TTF2: variants seen among roughly 807,000 people sequenced by gnomAD.
TTF2 encodes RNA polymerase II termination factor.
A neutral mutation model predicts 142.4 loss-of-function variants in TTF2; 108 were observed. That is an observed-to-expected ratio of 0.76 (90% CI 0.65 to 0.89). The LOEUF (loss-of-function observed/expected upper bound fraction) is 0.89. Among genes scored for constraint, TTF2 ranks in the 40% least tolerant of loss-of-function variants. The pLI, the probability that TTF2 is intolerant of heterozygous loss-of-function variation, is 0.00. For missense variants in TTF2, 1,327 were observed against 1,379.8 expected, an observed-to-expected ratio of 0.96 and a Z score of 0.61; for synonymous variants, 483 against 506.2, an observed-to-expected ratio of 0.95 and a Z score of 0.61.
chr1:117,091,820 C>T lies in TTF2; in HGVS notation c.2675C>T (p.Ala892Val). Residue 892 changes from alanine to valine, a missense_variant, in exon 17 of 23, where the codon GCA becomes GTA. Ala to Val is a moderately conservative substitution (Grantham distance 64). Transcript: ENST00000369466. ...RSPNNPFSRV[A>V]LEFGSEEPRH... is the part of the protein sequence containing the mutation. ...GGCTTGTCTTCCCTCTTGGAAGTGG[C>T]ACTGGAGTTTGGGTCTGAGGAGCCT... 3 of 1,612,952 alleles carry T rather than the reference C, an allele frequency of 1.9e-6. No homozygotes were observed. The South Asian group carries it at 3.3e-5, about 18-fold the overall frequency.
rs535140947 is a variant in TTF2, at chr1:117,093,590, A to G, written c.2976+689A>G. Among the ~76,000 whole-genome samples the G allele has an allele frequency of 2.0e-5, 3 of 152,146 alleles. No homozygotes were observed. Among genetic ancestry groups the G allele is most frequent in the Non-Finnish European group, 4.4e-5 (3 of 68,022 alleles). On this transcript the variant is annotated intron_variant, in intron 18 of 22. Coordinates refer to ENST00000369466, the MANE Select transcript of TTF2 (RefSeq NM_003594.4). The surrounding 1 kb of genome is among the most constrained non-coding windows in gnomAD (Gnocchi z 4.5). ...TGAAAAAGTGTATTAATAACTAGAA[A>G]GGTCACTTCCAGGGGAATGGCATTA...
Position 117,086,413 on chromosome 1 carries a change from G to T in TTF2, c.2055-4G>T, listed in dbSNP as rs371371874. ...TTATTGATTTCTTTGTTATGTCTAC[G>T]CAGCCTCTCTACATATGACATCGTG... On this transcript the variant is annotated splice_polypyrimidine_tract_variant and splice_region_variant and intron_variant, in intron 11 of 22. Coordinates refer to ENST00000369466, the MANE Select transcript of TTF2 (RefSeq NM_003594.4). This position sits in a 1 kb window ranked among gnomAD's most constrained non-coding sequence, Gnocchi z 4.2. 5.0e-6 allele frequency: 8 copies of T among 1,606,882 alleles called. No homozygotes were observed. The highest frequency in any genetic ancestry group is 6.8e-6 in the Non-Finnish European group (8 of 1,173,844).
intron 3 of TTF2, among the ~76,000 whole-genome samples, chr1:117,062,932 G>C (rs1655804230): frequency 6.6e-6 from 1 of 152,200 alleles, no homozygotes; most frequent in Non-Finnish European, 1.5e-5. Context: ...CAAAGATAAA[G>C]TAGGAATTCC....
rs1011970286 is a variant in TTF2, at chr1:117,097,353, A to G, written c.3189A>G (p.Val1063=). The G allele has an allele frequency of 6.2e-7, 1 of 1,613,972 alleles. No homozygotes were observed. Among genetic ancestry groups the G allele is most frequent in the African/African-American group, 1.3e-5 (1 of 74,926 alleles). ...EAFNHSRGPQ[V]MLISLLAGGV... ...TAATGTTGTGTTTCCTTTTGAAGGT[A>G]ATGCTAATCTCTCTCTTGGCCGGAG... The change falls in exon 21 of 23, where the codon GTA becomes GTG. Residue 1063 remains valine (V), a splice_region_variant and synonymous_variant. Transcript: ENST00000369466. This position sits in a 1 kb window ranked among gnomAD's most constrained non-coding sequence, Gnocchi z 4.1.
rs1366193743 is a variant in TTF2, at chr1:117,070,481, T to C, written c.219-3180T>C. Among the ~76,000 whole-genome samples the C allele has an allele frequency of 6.6e-6, 1 of 152,200 alleles. No individual in the cohort carries two copies. The highest frequency in any genetic ancestry group is 2.4e-5 in the African/African-American group (1 of 41,452). ...CAGTATTATCTCATGGGACCACAGT[T>C]GTATGTGCCATCCACTGTTGACTGA... is the stretch of plus-strand genomic sequence containing the variant. On this transcript the variant is annotated intron_variant, in intron 3 of 22. Coordinates refer to ENST00000369466, the MANE Select transcript of TTF2 (RefSeq NM_003594.4). This position sits in a 1 kb window ranked among gnomAD's most constrained non-coding sequence, Gnocchi z 4.2.
chr1:117,072,877 G>A (rs1656708606), intron 3 of TTF2, among the ~76,000 whole-genome samples: 1 of 152,206 alleles, frequency 6.6e-6, no homozygotes, highest in South Asian at 2.1e-4. Context: ...AGGCCCCTGA[G>A]TAGAGGGGAC....
At chr1:117,074,210 C>T (rs1183634679) in intron 4 of TTF2, among the ~76,000 whole-genome samples, 1 of 152,138 alleles carries the variant, frequency 6.6e-6, no homozygotes. Flanking sequence ...CTTGAACTTA[C>T]GATTCTAGAT....
In TTF2 at chr1:117,104,165, C is replaced by T. The variant is rs1649790368; in HGVS notation, c.*2641C>T. 6.6e-6 allele frequency: 1 copy of T among 152,160 alleles called. No homozygotes were observed. Among genetic ancestry groups the T allele is most frequent in the African/African-American group, 2.4e-5 (1 of 41,424 alleles). 9.4% of individuals were successfully genotyped at this position (152,160 alleles called of 1,614,324 possible). On this transcript the variant is annotated 3_prime_UTR_variant, in exon 23 of 23. Coordinates refer to ENST00000369466, the MANE Select transcript of TTF2 (RefSeq NM_003594.4). ...TTGAGTCACCTGAGAAGCAGTGGCT[C>T]CCAGGCCAGCAAGAATGTACAAACC...
intron 2 of TTF2, among the ~76,000 whole-genome samples, chr1:117,060,816 C>G (rs1655615075): frequency 6.6e-6 from 1 of 152,192 alleles, no homozygotes; most frequent in Non-Finnish European, 1.5e-5. Context: ...AATTGAGGAT[C>G]CGGTGTTTTC....
chr1:117,083,948 A>G, intron 10 of TTF2, 70 bp from the exon 11 acceptor site: 3 of 1,570,296 alleles, frequency 1.9e-6, no homozygotes, highest in Non-Finnish European at 2.6e-6. Context: ...GTGTCTCCAT[A>G]TATTAAAAAA....
At chr1:117,062,237 C>T (rs1655739634) in intron 2 of TTF2, 150 bp from the exon 3 acceptor site, 5 of 647,776 alleles carry the variant, frequency 7.7e-6, no homozygotes, top group Non-Finnish European at 1.3e-5. Flanking sequence ...CAAAGGAATG[C>T]CCATAGCTGT....
intron 2 of TTF2, among the ~76,000 whole-genome samples, chr1:117,060,887 T>C (rs1203837843): frequency 6.6e-6 from 1 of 152,090 alleles, no homozygotes; most frequent in African/African-American, 2.4e-5. Flanking sequence ...GCCCAGACAG[T>C]CCCTCCCCCT....
rs3767764 is a variant in TTF2, at chr1:117,087,839, C to T, written c.2161-962C>T. 2.1e-3 allele frequency among the ~76,000 whole-genome samples: 323 copies of T among 152,316 alleles called. 10 individuals carry two copies. In the East Asian group the frequency reaches 0.056, roughly 27 times the overall value. ...GGACCACTCCCTTCCCACCTTCCCC[C>T]GGTTTGGTTGAATGCCTCTGCCAGC... On this transcript the variant is annotated intron_variant, in intron 12 of 22. Transcript: ENST00000369466. The surrounding 1 kb of genome is among the most constrained non-coding windows in gnomAD (Gnocchi z 4.8).
chr1:117,101,534 G>A lies in TTF2; in HGVS notation c.*10G>A, dbSNP rs1166179240. 6.3e-7 allele frequency: 1 copy of A among 1,580,472 alleles called. No homozygotes were observed. The highest frequency in any genetic ancestry group is 1.4e-5 in the African/African-American group (1 of 72,922). On this transcript the variant is annotated 3_prime_UTR_variant, in exon 23 of 23. Coordinates refer to ENST00000369466, the MANE Select transcript of TTF2 (RefSeq NM_003594.4). The surrounding 1 kb of genome is among the most constrained non-coding windows in gnomAD (Gnocchi z 5.9). ...CCTTTTTGGCATCTAACCTCCTGTG[G>A]ATAAGGGCTCAGAATAGCACCATTG...
At chr1:117,064,873 A>G (rs991558862) in intron 3 of TTF2, among the ~76,000 whole-genome samples, 2 of 139,010 alleles carry the variant, frequency 1.4e-5, no homozygotes, top group African/African-American at 5.4e-5. Flanking sequence ...ATATAGGTCT[A>G]TTATCTATAT....
rs374580433 is a variant in TTF2 at position 117,084,008 on chromosome 1, C to T, written c.1904-10C>T. On this transcript the variant is annotated splice_polypyrimidine_tract_variant and intron_variant, in intron 10 of 22. Transcript: ENST00000369466. ...ATGTAACTAGGCACTGATTTTTTTC[C>T]CTTCTCAAGACTCTTGTGACTTTAC... 4.8e-5 allele frequency: 78 copies of T among 1,609,120 alleles called. 1 individual carries two copies. The highest frequency in any genetic ancestry group is 6.4e-5 in the Non-Finnish European group (75 of 1,178,374).
chr1:117,064,801 G>C (rs1334012285), intron 3 of TTF2, among the ~76,000 whole-genome samples: 2 of 150,394 alleles, frequency 1.3e-5, no homozygotes, highest in Admixed American at 6.6e-5. Flanking sequence ...TTACAGGTGT[G>C]AGCTACTGCA....
Position 117,098,865 on chromosome 1 carries a change from G to C in TTF2, c.3302G>C (p.Arg1101Pro). 1 of 1,612,242 alleles carries C rather than the reference G, an allele frequency of 6.2e-7. No individual in the cohort carries two copies. The highest frequency in any genetic ancestry group is 1.1e-5 in the South Asian group (1 of 90,800). The change falls in exon 22 of 23, where the codon CGA (arginine) becomes CCA (proline). Residue 1101 changes from arginine (R) to proline (P), a missense_variant. By Grantham distance (103) the Arg-to-Pro change is moderately radical (BLOSUM62 -2). Coordinates refer to ENST00000369466, the MANE Select transcript of TTF2 (RefSeq NM_003594.4). ...TCACTTGAAGATCAAGCTTGTGACC[G>C]AATTTACCGAGTAGGGCAGCAGAAA... Reference protein sequence around the residue: ...NPSLEDQACDRIYRVGQQKDV... With the variant: ...NPSLEDQACDPIYRVGQQKDV...
chr1:117,088,917 T>C lies in TTF2; in HGVS notation c.2277T>C (p.Cys759=), dbSNP rs1300158503. The C allele has an allele frequency of 1.6e-5, 26 of 1,613,772 alleles. No individual in the cohort carries two copies. Among genetic ancestry groups the C allele is most frequent in the Admixed American group, 1.0e-4 (6 of 59,934 alleles). The stretch of plus-strand genomic sequence containing the variant: ...TAGCTGTGTGTAAGCTACAAGCCTG[T>C]GCCCGTTGGGCTGTCACTGGAACCC... ...TSIAVCKLQA[C]ARWAVTGTPI... The change falls in exon 13 of 23, where the codon TGT becomes TGC. Residue 759 remains cysteine (C), a synonymous_variant. Transcript: ENST00000369466.
Sources: gnomAD v4.1 joint callset for allele counts (sites outside exome capture counted in the v4.1 genomes callset) on GRCh38, gnomAD v4.1.1 for gene constraint, Gnocchi (gnomAD v3.1) non-coding constraint, MANE v1.5 for transcripts, NCBI Gene and HGNC (gene_info 2026-07-23, HGNC 2026-07-21) for gene names.